Variants in ACSM3 observed in about 807,000 individuals in gnomAD.
The protein encoded by ACSM3 is acyl-CoA synthetase medium chain family member 3.
Under a neutral mutation model 74.1 loss-of-function variants are expected in ACSM3, and 61 were observed. The ratio of observed to expected loss-of-function variants is 0.82; its 90% CI spans 0.67 to 1.02. The LOEUF (loss-of-function observed/expected upper bound fraction) is 1.02, where lower values mean the gene tolerates loss of function less well. Among genes scored for constraint, ACSM3 ranks in the 50% least tolerant of loss-of-function variants. The probability of loss-of-function intolerance (pLI) is 0.00; values close to 1 mark genes in which losing one functional copy is unlikely to be tolerated. For missense variants in ACSM3, 660 were observed against 697.0 expected, an observed-to-expected ratio of 0.95 and a Z score of 0.60; for synonymous variants, 213 against 241.5, an observed-to-expected ratio of 0.88 and a Z score of 1.09.
chr16:20,777,619 G>A, intron 4 of ACSM3, 39 bp downstream of exon 4: 1 of 1,544,466 alleles, frequency 6.5e-7, no homozygotes, highest in Non-Finnish European at 8.9e-7. Context: ...CTTCCCAAAA[G>A]GAAAGGCAAC....
intron 1 of ACSM3, among the ~76,000 whole-genome samples, chr16:20,742,813 A>ATATAT (rs61582869): frequency 1.5e-5 from 1 of 66,820 alleles, no homozygotes; most frequent in Non-Finnish European, 4.0e-5. Context: ...ATATATATAT[A>ATATAT]TTTTTTTTTT....
At chr16:20,685,684 G>T (rs1712755702) in intron 1 of ACSM3, among the ~76,000 whole-genome samples, 1 of 151,872 alleles carries the variant, frequency 6.6e-6, no homozygotes, top group South Asian at 2.1e-4. Flanking sequence ...GCTGGGCATG[G>T]TGGTGCATGC....
chr16:20,741,481 G>C lies in ACSM3; in HGVS notation c.-189-8429G>C. The C allele has an allele frequency of 1.5e-5, 20 of 1,308,412 alleles. 2 individuals carry two copies. The East Asian group carries it at 2.6e-4, about 17-fold the overall frequency. 81.1% of individuals were successfully genotyped at this position (1,308,412 alleles called of 1,614,324 possible). A position where few individuals can be genotyped will look rare whatever the true frequency, so the allele number is the denominator to read the frequency against. ...CTCCTCCCGCAAGGCCTGGCAGCCG[G>C]CCCGCCCGCCCACCCCGGGACCGGT... is the stretch of plus-strand genomic sequence containing the variant. On this transcript the variant is annotated intron_variant, in intron 1 of 3. Coordinates refer to the ACSM3 transcript ENST00000561584.
rs2080356646 is a variant in ACSM3 at position 20,781,710 on chromosome 16, A to G, written c.942A>G (p.Thr314=). The G allele has an allele frequency of 5.6e-6, 9 of 1,611,448 alleles. No individual in the cohort carries two copies. The highest frequency in any genetic ancestry group is 1.3e-5 in the African/African-American group (1 of 74,860). The change falls in exon 7 of 14, where the codon ACA becomes ACG. Residue 314 remains threonine, a splice_region_variant and synonymous_variant. Transcript: ENST00000289416. ...AGTTTGCTTTTTCTAAATTGCAGAC[A>G]CTCTCCAAGTACCCCATCACAGTCT... ...PRFEPTSILQ[T]LSKYPITVFC...
At chr16:20,739,014 C>G (rs1224168106) in intron 1 of ACSM3, 7 of 1,614,188 alleles carry the variant, frequency 4.3e-6, no homozygotes, top group Non-Finnish European at 5.9e-6. Flanking sequence ...TTCAAGGCAG[C>G]CTCCGCATCA....
intron 1 of ACSM3, among the ~76,000 whole-genome samples, chr16:20,715,622 A>G (rs1332410702): frequency 9.0e-6 from 1 of 111,494 alleles, no homozygotes; most frequent in African/African-American, 2.9e-5. Flanking sequence ...ACAAAACAAA[A>G]CAAAAAAAAA....
chr16:20,733,592 A>G (rs1403123745), intron 1 of ACSM3: 1 of 151,966 alleles, frequency 6.6e-6, no homozygotes, highest in Non-Finnish European at 1.5e-5. Context: ...AACATATTTT[A>G]TGATATATAT....
In ACSM3 at chr16:20,741,827, A is replaced by G. The variant is rs1478552721; in HGVS notation, c.-189-8083A>G. 3.2e-6 allele frequency: 5 copies of G among 1,540,066 alleles called. No homozygotes were observed. In the South Asian group the frequency reaches 6.0e-5, roughly 18 times the overall value. ...CGCCGGCGCGAACTGGTGACGTCGG[A>G]TATGAGCGACGGCCTCCCCTAGCCG... On this transcript the variant is annotated intron_variant, in intron 1 of 3. Coordinates refer to the ACSM3 transcript ENST00000561584.
Position 20,713,365 on chromosome 16 carries a change from T to C in ACSM3, c.-189-36545T>C, listed in dbSNP as rs1000114157. ...TAGTGGTATTTATATTATTTGAATA[T>C]ACATCTCCATTAGTAAAATACTTTT... On this transcript the variant is annotated intron_variant, in intron 1 of 3. Transcript: ENST00000561584. Among the ~76,000 whole-genome samples, 3 of 152,194 alleles carry C rather than the reference T, an allele frequency of 2.0e-5. No homozygotes were observed. In the East Asian group the frequency reaches 5.8e-4, roughly 29 times the overall value.
In ACSM3 at chr16:20,777,452, C is replaced by T. The variant is rs1256073483; in HGVS notation, c.510C>T (p.Cys170=). Residue 170 remains cysteine (C), a synonymous_variant, in exon 4 of 14, where the codon TGC becomes TGT. Transcript: ENST00000289416. The part of the protein sequence containing the change: ...LYRLQSSKAN[C]IITNDVLAPA... ...GACTACAATCTTCAAAAGCAAACTG[C>T]ATTATCACCAATGATGTTTTAGCCC... 6.2e-6 allele frequency: 10 copies of T among 1,613,926 alleles called. No homozygotes were observed. Among genetic ancestry groups the T allele is most frequent in the Non-Finnish European group, 4.2e-6 (5 of 1,179,974 alleles).
At chr16:20,755,782 C>G (rs1040421174) in intron 3 of ACSM3, among the ~76,000 whole-genome samples, 3 of 73,152 alleles carry the variant, frequency 4.1e-5, no homozygotes, top group African/African-American at 1.4e-4. Context: ...CTATCCCTCC[C>G]CCCCCCCCAC....
rs527337132 is a variant in ACSM3 at position 20,689,483 on chromosome 16, GAC to G, written c.-190+14662_-190+14663del. Among the ~76,000 whole-genome samples, 511 of 151,874 alleles carry G rather than the reference GAC, an allele frequency of 3.4e-3. 1 individual carries two copies. The highest frequency in any genetic ancestry group is 0.031 in the Middle Eastern group (9 of 294). ...TCAGTAGTTACTTTAAATGTAAGTG[GAC>G]TAAACTCCCCAGTCAAAAGACATAG... On this transcript the variant is annotated intron_variant, in intron 1 of 3. Coordinates refer to the ACSM3 transcript ENST00000561584.
chr16:20,738,081 A>C (rs1596491498), intron 1 of ACSM3: 1 of 886,558 alleles, frequency 1.1e-6, no homozygotes, highest in East Asian at 2.4e-5. Context: ...ATTTTAAATG[A>C]ATCTACCTAG....
At chr16:20,728,381 ATTC>A in intron 1 of ACSM3, 1 of 1,396,692 alleles carries the variant, frequency 7.2e-7, no homozygotes, top group Non-Finnish European at 1.0e-6. Flanking sequence ...TGTTTCTTTC[ATTC>A]TAGATTATAG....
chr16:20,720,050 C>T (rs547570860), intron 1 of ACSM3, among the ~76,000 whole-genome samples: 1 of 152,278 alleles, frequency 6.6e-6, no homozygotes, highest in African/African-American at 2.4e-5. Flanking sequence ...AAAAGCTGTT[C>T]ACCTGTTATT....
chr16:20,763,242 T>C (rs530942834), upstream of ACSM3, among the ~76,000 whole-genome samples: 1 of 152,232 alleles, frequency 6.6e-6, no homozygotes, highest in East Asian at 1.9e-4. Context: ...TAGTAAGAGA[T>C]GTAAAAAGTT....
At chr16:20,765,870 T>A (rs1302349332) in intron 1 of ACSM3, among the ~76,000 whole-genome samples, 1 of 152,224 alleles carries the variant, frequency 6.6e-6, no homozygotes, top group African/African-American at 2.4e-5. Flanking sequence ...TAGAGAGACC[T>A]CCTAAAAGGT....
At chr16:20,743,099 C>T (rs1049035968) in intron 1 of ACSM3, among the ~76,000 whole-genome samples, 8 of 151,740 alleles carry the variant, frequency 5.3e-5, no homozygotes, top group Non-Finnish European at 1.5e-5. Context: ...CCACCACGCC[C>T]GGCTAATATT....
At position 20,731,517 on chromosome 16, in the gene ACSM3, T is replaced by C. The variant is rs561938697; in HGVS notation, c.-189-18393T>C. ...AAGCAATCTCTGGCATTTGCAGTCA[T>C]CACTCAAACTGCTATTAACAAACAG... On this transcript the variant is annotated intron_variant, in intron 1 of 3. Coordinates refer to the ACSM3 transcript ENST00000561584. 242 of 221,980 alleles carry C rather than the reference T, an allele frequency of 1.1e-3. 1 individual carries two copies. The highest frequency in any genetic ancestry group is 5.4e-3 in the African/African-American group (233 of 43,530). 13.8% of individuals were successfully genotyped at this position (221,980 alleles called of 1,614,324 possible).
Sources: gnomAD v4.1 joint callset for allele counts (sites outside exome capture counted in the v4.1 genomes callset) on GRCh38, gnomAD v4.1.1 for gene constraint, MANE v1.5 for transcripts, NCBI Gene and HGNC (gene_info 2026-07-23, HGNC 2026-07-21) for gene names.